Variants in FYB1 observed in about 807,000 individuals in gnomAD.
FYB1 encodes FYN-binding protein 1.
In FYB1, 41 loss-of-function variants were observed where a neutral mutation model predicts 94.1. The ratio of observed to expected loss-of-function variants is 0.44; its 90% CI spans 0.34 to 0.57. FYB1 has a LOEUF of 0.57. Ranked by LOEUF, FYB1 falls within the 20% of genes least tolerant of loss-of-function variation. The pLI, the probability that FYB1 is intolerant of heterozygous loss-of-function variation, is 0.02. For synonymous variants in FYB1, 367 were observed against 353.2 expected (o/e 1.04, Z -0.44); for missense variants, 1,050 against 976.8 (o/e 1.07, Z -1.00).
intron 9 of FYB1, among the ~76,000 whole-genome samples, chr5:39,131,646 T>C (rs929515186): frequency 2.5e-4 from 38 of 152,230 alleles, no homozygotes; most frequent in African/African-American, 8.9e-4. Flanking sequence ...TTGAAGAAGT[T>C]GCAGTACACT....
chr5:39,190,336 G>A (rs1747242456), intron 2 of FYB1, among the ~76,000 whole-genome samples: 1 of 152,186 alleles, frequency 6.6e-6, no homozygotes, highest in Admixed American at 6.5e-5. Flanking sequence ...GTGGGAAAAT[G>A]GGAGGGAGAA....
chr5:39,226,816 C>G (rs940727311), intron 1 of FYB1, among the ~76,000 whole-genome samples: 1 of 152,164 alleles, frequency 6.6e-6, no homozygotes, highest in African/African-American at 2.4e-5. Flanking sequence ...GTAACTAGCT[C>G]CCTCCTCCAA....
rs569614624 is a variant in FYB1, at chr5:39,166,928, C to A, written c.1136-13324G>T. ...TACACACGGTATCCATGAAAAAAAA[C>A]CCCTGCACTTTATCCCTTAAATTTA... On this transcript the variant is annotated intron_variant, in intron 2 of 18. Transcript: ENST00000512982. Among the ~76,000 whole-genome samples the A allele has an allele frequency of 3.6e-3, 546 of 151,962 alleles. 2 individuals carry two copies. The highest frequency in any genetic ancestry group is 5.8e-3 in the Non-Finnish European group (393 of 67,958).
intron 1 of FYB1, among the ~76,000 whole-genome samples, chr5:39,229,917 A>C (rs1202836473): frequency 6.6e-6 from 1 of 152,190 alleles, no homozygotes. Flanking sequence ...TGGTTCAATT[A>C]AATCACAGTA....
chr5:39,259,358 A>ACC (rs1752121140), intron 1 of FYB1, among the ~76,000 whole-genome samples: 4 of 152,216 alleles, frequency 2.6e-5, no homozygotes, highest in African/African-American at 9.7e-5. Context: ...AGGCTGGTTG[A>ACC]TTTAGTAACG....
At chr5:39,241,956 T>C in intron 1 of FYB1, among the ~76,000 whole-genome samples, 1 of 152,146 alleles carries the variant, frequency 6.6e-6, no homozygotes, top group East Asian at 1.9e-4. Context: ...AGGCCAAAGA[T>C]GTTGCATTAC....
At chr5:39,179,919 C>T (rs911575448) in intron 2 of FYB1, among the ~76,000 whole-genome samples, 9 of 152,204 alleles carry the variant, frequency 5.9e-5, no homozygotes, top group African/African-American at 2.2e-4. Context: ...GCTTAGGCAT[C>T]AGTTCCAGTA....
rs1406850735 is a variant in FYB1 at position 39,119,004 on chromosome 5, A to G, written c.2271T>C (p.Thr757=). 6 of 1,504,394 alleles carry G rather than the reference A, an allele frequency of 4.0e-6. No homozygotes were observed. In the African/African-American group the frequency reaches 8.4e-5, roughly 21 times the overall value. The allele number at this position is 1,504,394 out of a possible 1,614,324, so 93.2% of individuals were successfully genotyped here. ...YDGEIRVLYS[T]KVTTSITSKK... ...TAGAAGTTATGGAAGTTGTAACTTTAGTTGAATATAGGACTCTAATTTCAC... is the reference window on the plus strand; with the variant it reads ...TAGAAGTTATGGAAGTTGTAACTTTGGTTGAATATAGGACTCTAATTTCAC... Residue 757 remains threonine, a synonymous_variant, in exon 16 of 19, where the codon ACT becomes ACC. Transcript: ENST00000512982.
chr5:39,147,776 G>T (rs1742806444), intron 3 of FYB1, among the ~76,000 whole-genome samples: 2 of 149,604 alleles, frequency 1.3e-5, no homozygotes, highest in African/African-American at 4.9e-5. Context: ...CGCCTCCCAG[G>T]TTCACGCCAT....
At chr5:39,125,904 G>A in intron 12 of FYB1, 94 bp downstream of exon 12, 1 of 1,241,114 alleles carries the variant, frequency 8.1e-7, no homozygotes, top group Non-Finnish European at 1.1e-6. Context: ...AAGTCTATCA[G>A]AATTTGGTTA....
Position 39,121,183 on chromosome 5 carries a change from C to CAA in FYB1, c.2138+1151_2138+1152dup, listed in dbSNP as rs56376626. Among the ~76,000 whole-genome samples, 348 of 57,622 alleles carry CAA rather than the reference C, an allele frequency of 6.0e-3. 2 individuals carry two copies. Among genetic ancestry groups the CAA allele is most frequent in the African/African-American group, 9.9e-3 (164 of 16,600 alleles). 37.8% of individuals were successfully genotyped at this position (57,622 alleles called of 152,430 possible). On this transcript the variant is annotated intron_variant, in intron 14 of 18. Coordinates refer to ENST00000512982, the MANE Select transcript of FYB1 (RefSeq NM_001465.6). ...GAATGTGATGTACAGTAATGTAAAG[C>CAA]AAAAAAAAAAAAAAAAAAAAAAGCA...
intron 2 of FYB1, among the ~76,000 whole-genome samples, chr5:39,189,546 G>C (rs1469811842): frequency 6.6e-6 from 1 of 152,138 alleles, no homozygotes; most frequent in Non-Finnish European, 1.5e-5. Flanking sequence ...TGTGTTGAAG[G>C]GTTCAGCTTG....
chr5:39,169,054 G>T (rs376181333), intron 2 of FYB1, among the ~76,000 whole-genome samples: 1 of 152,174 alleles, frequency 6.6e-6, no homozygotes, highest in Non-Finnish European at 1.5e-5. Context: ...GGAAGATTTA[G>T]GTAGCAGAAT....
At chr5:39,191,909 T>C (rs1428074949) in intron 2 of FYB1, among the ~76,000 whole-genome samples, 1 of 152,234 alleles carries the variant, frequency 6.6e-6, no homozygotes, top group Non-Finnish European at 1.5e-5. Context: ...TACTCTTTTG[T>C]TAAAGAAGTC....
intron 1 of FYB1, among the ~76,000 whole-genome samples, chr5:39,252,400 A>G (rs1351343253): frequency 6.6e-6 from 1 of 152,240 alleles, no homozygotes; most frequent in Non-Finnish European, 1.5e-5. Flanking sequence ...GTCACATAAT[A>G]TAAGGGAAAT....
intron 2 of FYB1, among the ~76,000 whole-genome samples, chr5:39,194,108 A>C (rs1371608696): frequency 3.9e-5 from 6 of 152,248 alleles, no homozygotes; most frequent in Non-Finnish European, 2.9e-5. Flanking sequence ...ATTTCTTTGG[A>C]AATCCAGGCA....
rs192438281 is a variant in FYB1 at position 39,234,016 on chromosome 5, G to C, written c.-27-31029C>G. Among the ~76,000 whole-genome samples, 13 of 152,228 alleles carry C rather than the reference G, an allele frequency of 8.5e-5. No individual in the cohort carries two copies. The East Asian group carries it at 2.3e-3, about 27-fold the overall frequency. ...ACTGCTCTGGCCTTTCTCTAGCTTAGATGGGGTTTACTGTTATCTGTGGCT... is the reference window on the plus strand; with the variant it reads ...ACTGCTCTGGCCTTTCTCTAGCTTACATGGGGTTTACTGTTATCTGTGGCT... On this transcript the variant is annotated intron_variant, in intron 1 of 1. Transcript: ENST00000510188.
intron 1 of FYB1, among the ~76,000 whole-genome samples, chr5:39,266,499 AT>A (rs1752442104): frequency 6.6e-6 from 1 of 152,194 alleles, no homozygotes; most frequent in Non-Finnish European, 1.5e-5. Context: ...ATTCTCACAC[AT>A]TTCCACAGTT....
At chr5:39,195,531 T>C (rs573340323) in intron 2 of FYB1, among the ~76,000 whole-genome samples, 7 of 152,304 alleles carry the variant, frequency 4.6e-5, no homozygotes, top group Admixed American at 4.6e-4. Flanking sequence ...ATTAGTTAAA[T>C]GATACATACA....
Sources: gnomAD v4.1 joint callset for allele counts (sites outside exome capture counted in the v4.1 genomes callset) on GRCh38, gnomAD v4.1.1 for gene constraint, MANE v1.5 for transcripts, NCBI Gene and HGNC (gene_info 2026-07-23, HGNC 2026-07-21) for gene names.